COL3A1: variants seen among roughly 807,000 people sequenced by gnomAD.
COL3A1 encodes the protein collagen type III alpha 1 chain, also known as collagen alpha-1(III) chain.
COL3A1 carries 46 observed loss-of-function variants against 200.9 expected under a neutral mutation model. The ratio of observed to expected loss-of-function variants is 0.23; its 90% CI spans 0.18 to 0.29. The LOEUF (loss-of-function observed/expected upper bound fraction) is 0.29, where lower values mean the gene tolerates loss of function less well. Among genes scored for constraint, COL3A1 ranks in the 10% least tolerant of loss-of-function variants. The pLI, the probability that COL3A1 is intolerant of heterozygous loss-of-function variation, is 1.00. For missense variants in COL3A1, 1,367 were observed against 1,917.6 expected, an observed-to-expected ratio of 0.71 and a Z score of 5.36; for synonymous variants, 650 against 628.0, an observed-to-expected ratio of 1.03 and a Z score of -0.52.
rs751807135 is a variant in COL3A1 at position 189,010,357 on chromosome 2, G to A, written c.4003G>A (p.Gly1335Ser). Residue 1335 changes from glycine to serine, a missense_variant, in exon 49 of 51, where the codon GGT becomes AGT. By Grantham distance (56) the Gly-to-Ser change is moderately conservative. Coordinates refer to ENST00000304636, the MANE Select transcript of COL3A1 (RefSeq NM_000090.4). ...HVWFGESMDG[G>S]FQFSYGNPEL... Reference sequence around the variant, plus strand: ...TTGGTTTGGAGAGTCCATGGATGGTGGTTTTCAGGTAGGAAAGGATATACC... The same window carrying A: ...TTGGTTTGGAGAGTCCATGGATGGTAGTTTTCAGGTAGGAAAGGATATACC... 37 of 1,613,960 alleles carry A rather than the reference G, an allele frequency of 2.3e-5. No individual in the cohort carries two copies. The highest frequency in any genetic ancestry group is 2.7e-5 in the Non-Finnish European group (32 of 1,179,990).
rs371344739 is a variant in COL3A1 at position 189,003,007 on chromosome 2, A to G, written c.2498A>G (p.Lys833Arg). 169 of 1,551,676 alleles carry G rather than the reference A, an allele frequency of 1.1e-4. No homozygotes were observed. Among genetic ancestry groups the G allele is most frequent in the Non-Finnish European group, 1.3e-4 (151 of 1,147,006 alleles). The change falls in exon 36 of 51, where the codon AAA becomes AGA. Residue 833 changes from lysine to arginine, a missense_variant. Transcript: ENST00000304636. ...GKGERGAPGE[K>R]GEGGPPGVAG... ...GGAGAAAGAGGGGCTCCGGGTGAGAAAGGTGAAGGAGGCCCTCCTGGAGTT... is the reference window on the plus strand; with the variant it reads ...GGAGAAAGAGGGGCTCCGGGTGAGAGAGGTGAAGGAGGCCCTCCTGGAGTT...
At position 188,994,508 on chromosome 2, in the gene COL3A1, C is replaced by G. The variant is rs761160201; in HGVS notation, c.1294-33C>G. On this transcript the variant is annotated intron_variant, in intron 18 of 50. Coordinates refer to ENST00000304636, the MANE Select transcript of COL3A1 (RefSeq NM_000090.4). The surrounding 1 kb of genome is among the most constrained non-coding windows in gnomAD (Gnocchi z 4.5). The stretch of plus-strand genomic sequence containing the variant: ...TGATGATTTGTTAGTCGAATCCTCC[C>G]TGTGTTTCAACCAAGACTTTGTTAT... The G allele has an allele frequency of 6.2e-7, 1 of 1,611,720 alleles. No individual in the cohort carries two copies. Among genetic ancestry groups the G allele is most frequent in the African/African-American group, 1.3e-5 (1 of 74,838 alleles).
chr2:188,988,697 A>G (rs1688114596), intron 7 of COL3A1, 54 bp downstream of exon 7: 1 of 1,254,984 alleles, frequency 8.0e-7, no homozygotes, highest in Non-Finnish European at 1.2e-6. Flanking sequence ...TATGGAACCT[A>G]CCTTTGTTTT....
At chr2:189,005,981 G>T (rs752699353) in intron 41 of COL3A1, among the ~76,000 whole-genome samples, 4 of 151,682 alleles carry the variant, frequency 2.6e-5, no homozygotes, top group Non-Finnish European at 5.9e-5. Context: ...ACTCTTTTTG[G>T]ATATCATTTT....
chr2:188,981,416 A>G lies in COL3A1; in HGVS notation c.80-3344A>G, dbSNP rs544164179. Among the ~76,000 whole-genome samples the G allele has an allele frequency of 6.3e-4, 95 of 151,618 alleles. 1 individual carries two copies. Among genetic ancestry groups the G allele is most frequent in the African/African-American group, 2.2e-3 (91 of 41,514 alleles). The stretch of plus-strand genomic sequence containing the variant: ...GTAAGGAACAGAAACACCAAATGAC[A>G]TGGGAGATGGAATTTAAAATTAATT... On this transcript the variant is annotated intron_variant, in intron 1 of 50. Transcript: ENST00000304636.
intron 43 of COL3A1, 61 bp from the exon 44 acceptor site, chr2:189,006,867 AAAACGAAAT>A: frequency 6.6e-7 from 1 of 1,506,318 alleles, no homozygotes; most frequent in African/African-American, 1.4e-5. Context: ...TTTACTTTTG[AAAACGAAAT>A]TGTGTCAACA....
chr2:188,978,065 GA>G (rs60611793), intron 1 of COL3A1: 7,800 of 413,094 alleles, frequency 0.019, 562 homozygotes, highest in African/African-American at 0.16. Flanking sequence ...ACAGAGCCTT[GA>G]AAAATTTGGA....
rs76637112 is a variant in COL3A1 at position 189,002,322 on chromosome 2, C to T, written c.2416C>T (p.Pro806Ser). ...SPGERGETGP[P>S]GPAGFPGAPG... ...GGGTGAGAGAGGTGAAACTGGCCCT[C>T]CAGGACCTGCTGGTTTCCCTGGTGC... The change falls in exon 35 of 51, where the codon CCA (proline) becomes TCA (serine). Residue 806 changes from proline to serine, a missense_variant. Pro to Ser is a moderately conservative substitution (Grantham distance 74). Coordinates refer to ENST00000304636, the MANE Select transcript of COL3A1 (RefSeq NM_000090.4). 2 of 1,614,028 alleles carry T rather than the reference C, an allele frequency of 1.2e-6. No individual in the cohort carries two copies. Among genetic ancestry groups the T allele is most frequent in the African/African-American group, 1.3e-5 (1 of 75,054 alleles).
At position 188,995,739 on chromosome 2, in the gene COL3A1, A is replaced by C. The variant is rs754318905; in HGVS notation, c.1557A>C (p.Gly519=). 3.2e-6 allele frequency: 5 copies of C among 1,567,944 alleles called. No individual in the cohort carries two copies. In the Admixed American group the frequency reaches 7.5e-5, roughly 23 times the overall value. The change falls in exon 22 of 51, where the codon GGA becomes GGC. Residue 519 remains glycine, a synonymous_variant. Coordinates refer to ENST00000304636, the MANE Select transcript of COL3A1 (RefSeq NM_000090.4). ...CTCCAGGCCCTGCAGGGCCCAGAGGAGCTGCTGGAGAACCTGGCAGAGATG... is the reference window on the plus strand; with the variant it reads ...CTCCAGGCCCTGCAGGGCCCAGAGGCGCTGCTGGAGAACCTGGCAGAGATG... ...RGAPGPAGPR[G]AAGEPGRDGV... is the part of the protein sequence containing the mutation.
In COL3A1 at chr2:189,012,265, A is replaced by C. The variant is rs1186071337; in HGVS notation, c.*491A>C. 2 of 153,268 alleles carry C rather than the reference A, an allele frequency of 1.3e-5. No individual in the cohort carries two copies. The highest frequency in any genetic ancestry group is 3.8e-4 in the East Asian group (2 of 5,216). 9.5% of individuals were successfully genotyped at this position (153,268 alleles called of 1,614,324 possible). On this transcript the variant is annotated 3_prime_UTR_variant, in exon 51 of 51. Coordinates refer to ENST00000304636, the MANE Select transcript of COL3A1 (RefSeq NM_000090.4). ...ATTTTATACGTTGATAAAACTTATA[A>C]ATTTCATTGATTAATCTCCTGGAAG...
In COL3A1 at chr2:188,982,659, C is replaced by T. The variant is rs537973786; in HGVS notation, c.80-2101C>T. On this transcript the variant is annotated intron_variant, in intron 1 of 50. Transcript: ENST00000304636. Reference sequence around the variant, plus strand: ...CAATGAGCTAAAAGAATCATCTGTACAATCTAACAATGCTTTTGAGGATGG... The same window carrying T: ...CAATGAGCTAAAAGAATCATCTGTATAATCTAACAATGCTTTTGAGGATGG... 8.6e-5 allele frequency among the ~76,000 whole-genome samples: 13 copies of T among 151,864 alleles called. No homozygotes were observed. The East Asian group carries it at 2.3e-3, about 27-fold the overall frequency.
rs531711270 is a variant in COL3A1, at chr2:188,996,831, A to G, written c.1762-334A>G. Among the ~76,000 whole-genome samples the G allele has an allele frequency of 6.6e-5, 10 of 152,180 alleles. No individual in the cohort carries two copies. In the South Asian group the frequency reaches 2.1e-3, roughly 32 times the overall value. ...TGGTGAAACCCTGTCTCCACTAAAA[A>G]TACAAAAATTAGCCAGGCATGGTGG... On this transcript the variant is annotated intron_variant, in intron 24 of 50. Coordinates refer to ENST00000304636, the MANE Select transcript of COL3A1 (RefSeq NM_000090.4).
At chr2:189,005,988 T>C (rs1688577373) in intron 41 of COL3A1, among the ~76,000 whole-genome samples, 1 of 152,148 alleles carries the variant, frequency 6.6e-6, no homozygotes, top group Non-Finnish European at 1.5e-5. Context: ...TTGGATATCA[T>C]TTTTCTAATC....
At chr2:188,997,642 A>G in intron 26 of COL3A1, 58 bp from the exon 27 acceptor site, 1 of 1,529,636 alleles carries the variant, frequency 6.5e-7, no homozygotes, top group Non-Finnish European at 9.0e-7. Context: ...TGAAATGGAT[A>G]CTGTAGACTA....
rs765297299 is a variant in COL3A1 at position 188,974,468 on chromosome 2, G to T, written c.-22G>T. The T allele has an allele frequency of 6.3e-7, 1 of 1,593,180 alleles. No individual in the cohort carries two copies. The highest frequency in any genetic ancestry group is 2.2e-5 in the East Asian group (1 of 44,714). On this transcript the variant is annotated 5_prime_UTR_variant, in exon 1 of 51. Coordinates refer to ENST00000304636, the MANE Select transcript of COL3A1 (RefSeq NM_000090.4). Reference sequence around the variant, plus strand: ...TTCTTTTCTCCTTTTTGCACAAAGAGTCTCATGTCTGATATTTAGACATGA... The same window carrying T: ...TTCTTTTCTCCTTTTTGCACAAAGATTCTCATGTCTGATATTTAGACATGA...
At chr2:188,992,670 C>T (rs1688213144) in intron 14 of COL3A1, among the ~76,000 whole-genome samples, 1 of 152,164 alleles carries the variant, frequency 6.6e-6, no homozygotes, top group Non-Finnish European at 1.5e-5. Context: ...TCACAGAATT[C>T]ATGGCAAAGT....
intron 34 of COL3A1, 93 bp downstream of exon 34, chr2:189,001,682 C>T: frequency 7.9e-7 from 1 of 1,270,786 alleles, no homozygotes; most frequent in Non-Finnish European, 1.2e-6. Flanking sequence ...CCCTCAGTTC[C>T]CTGAGCCTCA....
chr2:189,003,715 A>C lies in COL3A1; in HGVS notation c.2608-19A>C, dbSNP rs372917900. On this transcript the variant is annotated intron_variant, in intron 37 of 50. Transcript: ENST00000304636. ...TTTGTTCTACTTTTGAAATTCAAAA[A>C]TATATTACCATTTCACAGGGTGCTG... 2.0e-5 allele frequency: 33 copies of C among 1,613,592 alleles called. No homozygotes were observed. Among genetic ancestry groups the C allele is most frequent in the Non-Finnish European group, 2.6e-5 (31 of 1,179,704 alleles).
chr2:188,993,960 T>C, intron 16 of COL3A1, 78 bp from the exon 17 acceptor site: 1 of 1,390,816 alleles, frequency 7.2e-7, no homozygotes, highest in Non-Finnish European at 1.0e-6. Context: ...GATACATTTA[T>C]TTTCACACAA....
Sources: gnomAD v4.1 joint callset for allele counts (sites outside exome capture counted in the v4.1 genomes callset) on GRCh38, gnomAD v4.1.1 for gene constraint, Gnocchi (gnomAD v3.1) non-coding constraint, MANE v1.5 for transcripts, NCBI Gene and HGNC (gene_info 2026-07-23, HGNC 2026-07-21) for gene names.